DHDDS: variants seen among roughly 807,000 people sequenced by gnomAD.
The protein encoded by DHDDS is dehydrodolichyl diphosphate synthase subunit, also known as dehydrodolichyl diphosphate synthase complex subunit DHDDS.
Under a neutral mutation model 46.2 loss-of-function variants are expected in DHDDS, and 16 were observed. The observed-to-expected ratio is 0.35, with a 90% confidence interval of 0.23 to 0.53. DHDDS has a LOEUF of 0.53. Among genes scored for constraint, DHDDS ranks in the 20% least tolerant of loss-of-function variants. The pLI is 0.94. For missense variants in DHDDS, 340 were observed against 423.7 expected, an observed-to-expected ratio of 0.80 and a Z score of 1.73; for synonymous variants, 151 against 163.1, an observed-to-expected ratio of 0.93 and a Z score of 0.56.
At chr1:26,455,148 A>G (rs971253753) in intron 6 of DHDDS, 24 of 775,202 alleles carry the variant, frequency 3.1e-5, no homozygotes, top group African/African-American at 2.4e-4. Flanking sequence ...GATTTGCATG[A>G]TATCATGAGG....
chr1:26,451,565 C>T (rs1030202779), intron 6 of DHDDS, among the ~76,000 whole-genome samples: 5 of 151,742 alleles, frequency 3.3e-5, no homozygotes, highest in Admixed American at 6.6e-5. Flanking sequence ...AAGCAGTTTT[C>T]GTGCTTCAGC....
chr1:26,470,273 A>T lies in DHDDS; in HGVS notation c.*1142A>T, dbSNP rs989544515. 2 of 149,854 alleles carry T rather than the reference A, an allele frequency of 1.3e-5. No individual in the cohort carries two copies. Among genetic ancestry groups the T allele is most frequent in the African/African-American group, 2.5e-5 (1 of 40,522 alleles). The allele number at this position is 149,854 out of a possible 1,614,324, so 9.3% of individuals were successfully genotyped here. A position where few individuals can be genotyped will look rare whatever the true frequency, so the allele number is the denominator to read the frequency against. On this transcript the variant is annotated 3_prime_UTR_variant, in exon 9 of 9. Transcript: ENST00000236342. The stretch of plus-strand genomic sequence containing the variant: ...ACACCGGCAAGTACCAGCCAGCAAC[A>T]CCAACCAAATGCTACTCTCTTTAAA...
chr1:26,445,927 G>A (rs2075263410), intron 4 of DHDDS, among the ~76,000 whole-genome samples: 1 of 151,456 alleles, frequency 6.6e-6, no homozygotes, highest in Admixed American at 6.6e-5. Context: ...GGAGGCTGCG[G>A]TGGGAGGATC....
intron 6 of DHDDS, among the ~76,000 whole-genome samples, chr1:26,451,478 T>C (rs1045867994): frequency 6.6e-6 from 1 of 150,686 alleles, no homozygotes; most frequent in Non-Finnish European, 1.5e-5. Flanking sequence ...TTTTCTGAGA[T>C]GGAGTCTTGC....
chr1:26,469,306 A>C lies in DHDDS; in HGVS notation c.*175A>C. 2.5e-6 allele frequency: 3 copies of C among 1,205,514 alleles called. No homozygotes were observed. Among genetic ancestry groups the C allele is most frequent in the Non-Finnish European group, 3.5e-6 (3 of 853,278 alleles). The allele number at this position is 1,205,514 out of a possible 1,614,324, so 74.7% of individuals were successfully genotyped here. A position where few individuals can be genotyped will look rare whatever the true frequency, so the allele number is the denominator to read the frequency against. On this transcript the variant is annotated 3_prime_UTR_variant, in exon 9 of 9. Transcript: ENST00000236342. Reference sequence around the variant, plus strand: ...CATAGATACCTTTGGGCTGCCTGGGACAGGCTCCTGAGGAGGATTGAGGGT... The same window carrying C: ...CATAGATACCTTTGGGCTGCCTGGGCCAGGCTCCTGAGGAGGATTGAGGGT...
At chr1:26,462,062 G>GTT (rs754576508) in intron 8 of DHDDS, among the ~76,000 whole-genome samples, 16 of 129,858 alleles carry the variant, frequency 1.2e-4, no homozygotes, top group East Asian at 4.5e-4. Context: ...GCTATTTTTT[G>GTT]TTTTTTTTTT....
chr1:26,437,964 A>G (rs1399366984), intron 2 of DHDDS, among the ~76,000 whole-genome samples: 1 of 152,124 alleles, frequency 6.6e-6, no homozygotes, highest in Non-Finnish European at 1.5e-5. Context: ...CTGGGTGACT[A>G]AGTGAGATCC....
chr1:26,437,805 A>AAAAAG (rs1373958906), intron 2 of DHDDS, among the ~76,000 whole-genome samples: 2 of 151,778 alleles, frequency 1.3e-5, no homozygotes, highest in African/African-American at 2.4e-5. Flanking sequence ...AGAAAAAAAA[A>AAAAAG]AAAAGAAAAG....
intron 8 of DHDDS, among the ~76,000 whole-genome samples, chr1:26,460,941 T>G (rs1224386702): frequency 6.6e-6 from 1 of 152,212 alleles, no homozygotes; most frequent in Non-Finnish European, 1.5e-5. Flanking sequence ...TGGTGCGATC[T>G]GGGCTCACTG....
At chr1:26,466,273 T>G (rs2075485307) in intron 8 of DHDDS, 1 of 152,206 alleles carries the variant, frequency 6.6e-6, no homozygotes, top group Non-Finnish European at 1.5e-5. Context: ...CTAGGACTTC[T>G]GTTAGCTTGG....
chr1:26,447,604 C>T lies in DHDDS; in HGVS notation c.486C>T (p.Ile162=). ...VCFAYTSRHE[I]SNAVREMAWG... is the part of the protein sequence containing the mutation. ...TTGCATACACATCCCGTCATGAGATCAGCAATGCTGTGAGAGAGATGGCCT... is the reference window on the plus strand; with the variant it reads ...TTGCATACACATCCCGTCATGAGATTAGCAATGCTGTGAGAGAGATGGCCT... Residue 162 remains isoleucine (I), a synonymous_variant, in exon 6 of 9, where the codon ATC becomes ATT. Coordinates refer to ENST00000236342, the MANE Select transcript of DHDDS (RefSeq NM_205861.3). The T allele has an allele frequency of 4.3e-6, 7 of 1,614,208 alleles. No homozygotes were observed. Among genetic ancestry groups the T allele is most frequent in the Non-Finnish European group, 5.9e-6 (7 of 1,180,046 alleles).
chr1:26,458,504 G>A (rs891674417), intron 7 of DHDDS, among the ~76,000 whole-genome samples: 1 of 152,180 alleles, frequency 6.6e-6, no homozygotes, highest in African/African-American at 2.4e-5. Flanking sequence ...TTGGGAGGCT[G>A]AGGCAGGCAG....
At chr1:26,467,124 G>A (rs2075498445) in intron 8 of DHDDS, 1 of 300,636 alleles carries the variant, frequency 3.3e-6, no homozygotes, top group Admixed American at 3.9e-5. Flanking sequence ...GCTCCGTGAT[G>A]TTCATCAGCC....
In DHDDS at chr1:26,457,512, T is replaced by C. The variant is rs187786651; in HGVS notation, c.543-279T>C. On this transcript the variant is annotated intron_variant, in intron 6 of 8. Coordinates refer to ENST00000236342, the MANE Select transcript of DHDDS (RefSeq NM_205861.3). ...AATAAATACCTTATGTATCAGAACA[T>C]GTCAAAAAAGGCAAAAAATAAAAAA... 1.1e-4 allele frequency among the ~76,000 whole-genome samples: 16 copies of C among 141,784 alleles called. 1 individual carries two copies. In the East Asian group the frequency reaches 2.2e-3, roughly 20 times the overall value. The allele number at this position is 141,784 out of a possible 152,430, so 93.0% of individuals were successfully genotyped here.
intron 8 of DHDDS, among the ~76,000 whole-genome samples, chr1:26,465,743 G>A (rs1336567963): frequency 6.6e-6 from 1 of 152,094 alleles, no homozygotes; most frequent in East Asian, 1.9e-4. Context: ...CTCCTCTCTG[G>A]AAAAGCACCC....
intron 4 of DHDDS, among the ~76,000 whole-genome samples, chr1:26,444,806 C>T (rs914477182): frequency 6.6e-6 from 1 of 152,124 alleles, no homozygotes; most frequent in Non-Finnish European, 1.5e-5. Context: ...AAGACAAGAG[C>T]TTACACATGG....
chr1:26,450,796 G>T (rs973736216), intron 6 of DHDDS, among the ~76,000 whole-genome samples: 2 of 152,148 alleles, frequency 1.3e-5, no homozygotes, highest in Non-Finnish European at 2.9e-5. Flanking sequence ...TATAGAAATA[G>T]AAGCATGTTT....
At chr1:26,434,638 A>C (rs2075135071) in intron 2 of DHDDS, among the ~76,000 whole-genome samples, 1 of 152,080 alleles carries the variant, frequency 6.6e-6, no homozygotes. Flanking sequence ...CTCCAAGCCA[A>C]ATAAGGGTTT....
At chr1:26,460,223 A>G in intron 8 of DHDDS, 79 bp downstream of exon 8, 1 of 1,107,120 alleles carries the variant, frequency 9.0e-7, no homozygotes, top group Non-Finnish European at 1.4e-6. Context: ...ACCTTACTAT[A>G]TACCAGGCAC....
Sources: allele counts gnomAD v4.1 joint callset (sites outside exome capture counted in the v4.1 genomes callset), GRCh38; gene constraint gnomAD v4.1.1; transcripts MANE v1.5; gene names NCBI Gene and HGNC (gene_info 2026-07-23, HGNC 2026-07-21).